PCDH20: variants seen among roughly 807,000 people sequenced by gnomAD.
PCDH20 encodes the protein protocadherin 20.
Under a neutral mutation model 39.7 loss-of-function variants are expected in PCDH20, and 18 were observed. That is an observed-to-expected ratio of 0.45 (90% CI 0.31 to 0.67). The LOEUF (loss-of-function observed/expected upper bound fraction) is 0.67, where lower values mean the gene tolerates loss of function less well. PCDH20 is among the 30% of genes least tolerant of loss of function. The probability of loss-of-function intolerance (pLI) is 0.05; values close to 1 mark genes in which losing one functional copy is unlikely to be tolerated. For synonymous variants in PCDH20, 495 were observed against 455.4 expected (o/e 1.09, Z -1.11); for missense variants, 1,161 against 1,167.4 (o/e 0.99, Z 0.08).
exon 2 of PCDH20, chr13:61,412,235 C>G (rs762744072): frequency 6.2e-7 from 1 of 1,614,168 alleles, no homozygotes; most frequent in Non-Finnish European, 8.5e-7. Flanking sequence ...ACAGTGGCTA[C>G]TGATTCTCTG....
rs898765978 is a variant in PCDH20 at position 61,415,271 on chromosome 13, A to G, written c.-113T>C. 1.5e-5 allele frequency: 18 copies of G among 1,212,690 alleles called. No individual in the cohort carries two copies. The African/African-American group carries it at 2.7e-4, about 18-fold the overall frequency. 75.1% of individuals were successfully genotyped at this position (1,212,690 alleles called of 1,614,324 possible). On this transcript the variant is annotated 5_prime_UTR_variant, in exon 1 of 2. Coordinates refer to ENST00000409204, the Ensembl canonical transcript of PCDH20. Reference sequence around the variant, plus strand: ...TCAGCCAATAGTCACTGGCTCTTCAATTAAGGACGGGAACTCAAAGAGTGG... The same window carrying G: ...TCAGCCAATAGTCACTGGCTCTTCAGTTAAGGACGGGAACTCAAAGAGTGG...
Position 61,411,999 on chromosome 13 carries a change from CAA to C in PCDH20, c.2098_2099del (p.Leu700GlyfsTer13). 1 of 1,614,118 alleles carries C rather than the reference CAA, an allele frequency of 6.2e-7. No homozygotes were observed. The highest frequency in any genetic ancestry group is 8.5e-7 in the Non-Finnish European group (1 of 1,180,028). On this transcript the variant is annotated frameshift_variant, in exon 2 of 2. Transcript: ENST00000409204. LOFTEE classifies it low-confidence loss of function (END_TRUNC). ...TATAGGAGCTTTGCTGCTCTCTGTC[CAA>C]AGAGACTTTAGCCCTCAGCATACCC...
exon 2 of PCDH20, chr13:61,411,518 G>A (rs113698407): frequency 3.1e-6 from 5 of 1,613,956 alleles, no homozygotes; most frequent in Non-Finnish European, 4.2e-6. Flanking sequence ...TTAATCTCTG[G>A]TTCTTTTCTT....
chr13:61,411,141 T>C (rs1301154102), exon 2 of PCDH20: 1 of 948,904 alleles, frequency 1.1e-6, no homozygotes, highest in Non-Finnish European at 1.6e-6. Flanking sequence ...AAGTTATAAA[T>C]TAGTTGTCCT....
At chr13:61,415,446 A>T in exon 1 of PCDH20, 1 of 305,110 alleles carries the variant, frequency 3.3e-6, no homozygotes. Context: ...GCGCTTACCT[A>T]CCAGCCTCCT....
exon 2 of PCDH20, chr13:61,411,322 A>G (rs1286901206): frequency 3.1e-6 from 5 of 1,613,992 alleles, no homozygotes; most frequent in Non-Finnish European, 3.4e-6. Flanking sequence ...CTGTACTTCC[A>G]AATTTTCATC....
exon 1 of PCDH20, chr13:61,415,062 G>T: frequency 6.4e-7 from 1 of 1,569,280 alleles, no homozygotes; most frequent in Non-Finnish European, 8.7e-7. Flanking sequence ...CTCCTGGGAC[G>T]ATGTAGACGC....
Position 61,411,001 on chromosome 13 carries a change from C to CTTTT in PCDH20, c.*238_*241dup, listed in dbSNP as rs11423785. 4.2e-5 allele frequency: 8 copies of CTTTT among 192,652 alleles called. No homozygotes were observed. In the South Asian group the frequency reaches 4.7e-4, roughly 11 times the overall value. The allele number at this position is 192,652 out of a possible 1,614,324, so 11.9% of individuals were successfully genotyped here. On this transcript the variant is annotated 3_prime_UTR_variant, in exon 2 of 2. Coordinates refer to ENST00000409204, the Ensembl canonical transcript of PCDH20. ...ATGAAAGCTGCAAACCATGTCCAAG[C>CTTTT]TTTTTTTTTTTTTTTAAATACAAGT...
exon 2 of PCDH20, chr13:61,411,911 T>C (rs1290401144): frequency 3.1e-6 from 5 of 1,613,976 alleles, no homozygotes; most frequent in East Asian, 2.2e-5. Context: ...AGAAGGAGAA[T>C]TGTGATTTTT....
chr13:61,414,538 A>T (rs1394872472), intron 1 of PCDH20, among the ~76,000 whole-genome samples: 3 of 152,142 alleles, frequency 2.0e-5, no homozygotes, highest in Non-Finnish European at 4.4e-5. Context: ...CACCTCCAAC[A>T]CTTTAGGTCT....
At chr13:61,414,539 CTT>C (rs1566223944) in intron 1 of PCDH20, among the ~76,000 whole-genome samples, 1 of 152,140 alleles carries the variant, frequency 6.6e-6, no homozygotes, top group African/African-American at 2.4e-5. Context: ...ACCTCCAACA[CTT>C]TAGGTCTTAG....
exon 1 of PCDH20, chr13:61,415,136 C>A (rs1210232985): frequency 3.4e-6 from 5 of 1,484,602 alleles, no homozygotes; most frequent in Middle Eastern, 2.3e-4. Flanking sequence ...CTGTGAGCTG[C>A]GCGCATTCCC....
exon 2 of PCDH20, chr13:61,413,841 G>A: frequency 6.2e-7 from 1 of 1,612,670 alleles, no homozygotes; most frequent in Non-Finnish European, 8.5e-7. Flanking sequence ...GCAGGTCCTC[G>A]GCCAGGCTGC....
At chr13:61,413,305 T>C in exon 2 of PCDH20, 1 of 1,613,976 alleles carries the variant, frequency 6.2e-7, no homozygotes, top group Non-Finnish European at 8.5e-7. Context: ...GCGCTCCCCA[T>C]TCTCATTCTC....
At position 61,413,819 on chromosome 13, in the gene PCDH20, T is replaced by TGGGCAGCAGCCGCAGGTCCTCGGCC. The variant is rs760567151; in HGVS notation, c.255_279dup (p.Arg94GlyfsTer27). 3 of 1,612,832 alleles carry TGGGCAGCAGCCGCAGGTCCTCGGCC rather than the reference T, an allele frequency of 1.9e-6. No individual in the cohort carries two copies. The highest frequency in any genetic ancestry group is 2.5e-6 in the Non-Finnish European group (3 of 1,179,668). On this transcript the variant is annotated frameshift_variant, in exon 2 of 2. Coordinates refer to ENST00000409204, the Ensembl canonical transcript of PCDH20. LOFTEE classifies it high-confidence loss of function. ...TGCGGGTCCGGCCTCCCTGCAGACC[T>TGGGCAGCAGCCGCAGGTCCTCGGCC]GGGCAGCAGCCGCAGGTCCTCGGCC...
In PCDH20 at chr13:61,412,697, A is replaced by G. The variant is rs759545479; in HGVS notation, c.1402T>C (p.Tyr468His). ...CTAAACGGCCCTTCACCATCCAGGT[A>G]GCAGTTAACCTTGTATTTACCTTCT... is the stretch of plus-strand genomic sequence containing the variant. The change falls in exon 2 of 2, where the codon TAC becomes CAC. Residue 468 changes from tyrosine (Y) to histidine (H), a missense_variant. By Grantham distance (83) the Tyr-to-His change is moderately conservative (BLOSUM62 2). Coordinates refer to ENST00000409204, the Ensembl canonical transcript of PCDH20. 105 of 1,614,064 alleles carry G rather than the reference A, an allele frequency of 6.5e-5. No individual in the cohort carries two copies. Among genetic ancestry groups the G allele is most frequent in the Admixed American group, 8.3e-5 (5 of 59,992 alleles).
At chr13:61,410,480 G>A (rs1163593193) in exon 2 of PCDH20, 1 of 152,264 alleles carries the variant, frequency 6.6e-6, no homozygotes, top group African/African-American at 2.4e-5. Context: ...TACATTTCCT[G>A]TAATGAAGAA....
intron 1 of PCDH20, among the ~76,000 whole-genome samples, chr13:61,414,816 T>C (rs1346860592): frequency 6.6e-6 from 1 of 152,220 alleles, no homozygotes; most frequent in Non-Finnish European, 1.5e-5. Context: ...GATACATTTC[T>C]TGCTTCAGAA....
In PCDH20 at chr13:61,411,776, CTG is replaced by C. The variant is rs1193998165; in HGVS notation, c.2321_2322del (p.Thr774ArgfsTer17). On this transcript the variant is annotated frameshift_variant, in exon 2 of 2. Transcript: ENST00000409204. LOFTEE classifies it low-confidence loss of function (END_TRUNC). ...CTGTAAGCTATGACAGCATTCATGC[CTG>C]TGTCTTTGTCGACAGCATAGACTTC... 1 of 1,614,064 alleles carries C rather than the reference CTG, an allele frequency of 6.2e-7. No homozygotes were observed. The highest frequency in any genetic ancestry group is 8.5e-7 in the Non-Finnish European group (1 of 1,180,030).
Sources: allele counts gnomAD v4.1 joint callset (sites outside exome capture counted in the v4.1 genomes callset), GRCh38; gene constraint gnomAD v4.1.1; transcripts MANE v1.5; gene names NCBI Gene and HGNC (gene_info 2026-07-23, HGNC 2026-07-21).